Variants in ECE1 observed in about 807,000 individuals in gnomAD.
ECE1 encodes the protein endothelin converting enzyme 1, also known as endothelin-converting enzyme 1.
ECE1 carries 35 observed loss-of-function variants against 98.6 expected under a neutral mutation model. The observed-to-expected ratio is 0.35, with a 90% CI of 0.27 to 0.47. ECE1 has a LOEUF of 0.47. Ranked by LOEUF, ECE1 falls within the 20% of genes least tolerant of loss-of-function variation. ECE1 has a pLI of 1.00. For missense variants in ECE1, 814 were observed against 1,025.3 expected, an observed-to-expected ratio of 0.79 and a Z score of 2.81; for synonymous variants, 394 against 407.1, an observed-to-expected ratio of 0.97 and a Z score of 0.39.
In ECE1 at chr1:21,272,877, G is replaced by A. The variant is rs1439032340; in HGVS notation, c.315C>T (p.Val105=). 1.2e-6 allele frequency: 2 copies of A among 1,614,128 alleles called. No individual in the cohort carries two copies. The highest frequency in any genetic ancestry group is 1.1e-5 in the South Asian group (1 of 91,094). The part of the protein sequence containing the change: ...SPSVCLSEAC[V]SVTSSILSSM... ...AGCTCAAGATGGAGCTGGTCACTGA[G>A]ACACAAGCTTCGCTCAGGCACACAG... The change falls in exon 4 of 19, where the codon GTC becomes GTT. Residue 105 remains valine (V), a synonymous_variant. Coordinates refer to ENST00000374893, the MANE Select transcript of ECE1 (RefSeq NM_001397.3).
chr1:21,225,357 T>C lies in ECE1; in HGVS notation c.1933A>G (p.Met645Val), dbSNP rs777714423. 3 of 1,614,104 alleles carry C rather than the reference T, an allele frequency of 1.9e-6. No individual in the cohort carries two copies. The highest frequency in any genetic ancestry group is 4.5e-5 in the East Asian group (2 of 44,898). The part of the protein sequence containing the change: ...VEAFKRQTEC[M>V]VEQYSNYSVN... ...CTGTAGTTGCTGTACTGCTCTACCA[T>C]GCACTCGGTCTGACGCTTGAAGGCC... is the stretch of plus-strand genomic sequence containing the variant. Residue 645 changes from methionine (M) to valine (V), a missense_variant, in exon 17 of 19, where the codon ATG (methionine) becomes GTG (valine). Met to Val is a conservative substitution (Grantham distance 21). Around this residue, in one of 3 missense-constraint regions of ECE1, gnomAD observed 452 missense variants for 567.3 expected, o/e 0.80. Coordinates refer to ENST00000374893, the MANE Select transcript of ECE1 (RefSeq NM_001397.3). The surrounding 1 kb of genome is among the most constrained non-coding windows in gnomAD (Gnocchi z 5.3).
upstream of ECE1, chr1:21,290,534 C>T (rs1312747176): frequency 8.4e-7 from 1 of 1,194,664 alleles, no homozygotes; most frequent in African/African-American, 1.6e-5. The surrounding 1 kb of genome is among the most constrained non-coding windows in gnomAD (Gnocchi z 7.3). Context: ...GGTTCCCAAC[C>T]TCCGGCCTCC....
intron 1 of ECE1, among the ~76,000 whole-genome samples, chr1:21,342,885 C>T (rs1639428650): frequency 6.6e-6 from 1 of 152,328 alleles, no homozygotes; most frequent in African/African-American, 2.4e-5. Context: ...CATGCATGCA[C>T]CGCCGGTCAA....
chr1:21,236,237 C>A (rs919786659), intron 12 of ECE1, among the ~76,000 whole-genome samples: 1 of 152,278 alleles, frequency 6.6e-6, no homozygotes, highest in Admixed American at 6.5e-5. Context: ...GTACACTCAG[C>A]GAGGTTTGTC....
rs114462832 is a variant in ECE1, at chr1:21,241,829, T to C, written c.1278+3160A>G. ...AAGTCCTGGAAGTACTACAGGATGG[T>C]GAGAAAATCTCCAAAAGGAGCGAGG... On this transcript the variant is annotated intron_variant, in intron 10 of 18. Coordinates refer to ENST00000374893, the MANE Select transcript of ECE1 (RefSeq NM_001397.3). Among the ~76,000 whole-genome samples the C allele has an allele frequency of 7.8e-4, 119 of 152,300 alleles. 1 individual carries two copies. The highest frequency in any genetic ancestry group is 2.2e-3 in the African/African-American group (93 of 41,576).
At chr1:21,261,500 T>A (rs1303797382) in intron 4 of ECE1, among the ~76,000 whole-genome samples, 1 of 152,118 alleles carries the variant, frequency 6.6e-6, no homozygotes, top group Non-Finnish European at 1.5e-5. Context: ...CTACTCAACC[T>A]CAAGGCCTCT....
rs536633608 is a variant in ECE1, at chr1:21,260,594, C to T, written c.494-202G>A. 2.0e-4 allele frequency among the ~76,000 whole-genome samples: 30 copies of T among 152,210 alleles called. No individual in the cohort carries two copies. Among genetic ancestry groups the T allele is most frequent in the Admixed American group, 1.5e-3 (23 of 15,286 alleles). On this transcript the variant is annotated intron_variant, in intron 4 of 18. Transcript: ENST00000374893. This position sits in a 1 kb window ranked among gnomAD's most constrained non-coding sequence, Gnocchi z 4.3. ...GAGCCTGGCAAGCTGAAGGCGCTCC[C>T]GAAATTTTGCTGACTGCAAAGAAAA...
At chr1:21,302,417 G>A (rs1638505775) in intron 1 of ECE1, among the ~76,000 whole-genome samples, 1 of 152,206 alleles carries the variant, frequency 6.6e-6, no homozygotes, top group African/African-American at 2.4e-5. Flanking sequence ...TTGGTGAAAC[G>A]GTGATGATAA....
rs557062546 is a variant in ECE1, at chr1:21,217,321, A to T, written c.*2634T>A. On this transcript the variant is annotated 3_prime_UTR_variant, in exon 19 of 19. Transcript: ENST00000374893. ...CTACAGTAGCTCAAAACATAATACA[A>T]AAAATAGATTCCCAGCTCCCAACCC... The T allele has an allele frequency of 1.3e-5, 2 of 152,388 alleles. No homozygotes were observed. The highest frequency in any genetic ancestry group is 2.1e-4 in the South Asian group (1 of 4,824). 9.4% of individuals were successfully genotyped at this position (152,388 alleles called of 1,614,324 possible).
rs1320969688 is a variant in ECE1 at position 21,238,260 on chromosome 1, CA to C, written c.1279-17del. Reference sequence around the variant, plus strand: ...GAAGACAGGTCTGGAAAACACAAGTCAGGGGGCTCGCTGGGCCCCAGCCCTT... The same window carrying C: ...GAAGACAGGTCTGGAAAACACAAGTCGGGGGCTCGCTGGGCCCCAGCCCTT... On this transcript the variant is annotated splice_polypyrimidine_tract_variant and intron_variant, in intron 10 of 18. Transcript: ENST00000374893. 1.2e-6 allele frequency: 2 copies of C among 1,605,102 alleles called. No individual in the cohort carries two copies. Among genetic ancestry groups the C allele is most frequent in the Non-Finnish European group, 1.7e-6 (2 of 1,172,772 alleles).
At chr1:21,230,856 A>T (rs943938549) in intron 14 of ECE1, among the ~76,000 whole-genome samples, 17 of 152,180 alleles carry the variant, frequency 1.1e-4, no homozygotes, top group Non-Finnish European at 1.8e-4. Flanking sequence ...CATAAAATTT[A>T]AAAAAAATCA....
At chr1:21,301,095 G>A (rs1638472873) in intron 1 of ECE1, among the ~76,000 whole-genome samples, 1 of 152,010 alleles carries the variant, frequency 6.6e-6, no homozygotes, top group South Asian at 2.1e-4. Flanking sequence ...CCCTCTCAAA[G>A]TACACAGGTG....
chr1:21,221,770 G>C lies in ECE1; in HGVS notation c.2113C>G (p.Leu705Val). Residue 705 changes from leucine (L) to valine (V), a missense_variant, in exon 18 of 19, where the codon CTC becomes GTC. This residue lies in a region of ECE1 where 452 missense variants were observed against 567.3 expected (regional missense o/e 0.80). Coordinates refer to ENST00000374893, the MANE Select transcript of ECE1 (RefSeq NM_001397.3). ...LPTLGLTNNQLFFLGFAQVWC... is the reference protein window; with the variant it reads ...LPTLGLTNNQVFFLGFAQVWC... ...ACCTGTGCAAAGCCCAGGAAGAAGA[G>C]CTGGTTATTGGTGAGGCCCAGGGTG... The C allele has an allele frequency of 6.2e-7, 1 of 1,614,246 alleles. No homozygotes were observed.
At chr1:21,243,499 G>A (rs954360970) in intron 10 of ECE1, among the ~76,000 whole-genome samples, 3 of 151,792 alleles carry the variant, frequency 2.0e-5, no homozygotes, top group East Asian at 1.9e-4. Flanking sequence ...CACTACAGGC[G>A]TGAGCCACCA....
At chr1:21,274,372 TG>T (rs2098244064) in intron 3 of ECE1, among the ~76,000 whole-genome samples, 1 of 152,232 alleles carries the variant, frequency 6.6e-6, no homozygotes, top group Middle Eastern at 3.2e-3. Flanking sequence ...GGGTGGGCTT[TG>T]GAGGCCACTA....
chr1:21,284,482 G>C (rs1024868657), intron 2 of ECE1, among the ~76,000 whole-genome samples: 1 of 152,250 alleles, frequency 6.6e-6, no homozygotes, highest in Non-Finnish European at 1.5e-5. Context: ...TCAAAAGAGA[G>C]AGGTGGAGAA....
At chr1:21,274,473 AAGTT>A (rs2098244165) in intron 3 of ECE1, among the ~76,000 whole-genome samples, 1 of 152,138 alleles carries the variant, frequency 6.6e-6, no homozygotes, top group African/African-American at 2.4e-5. Context: ...ATCCATCTAA[AAGTT>A]AGGAAGAAAG....
At position 21,314,289 on chromosome 1, in the gene ECE1, G is replaced by C. The variant is rs186986289; in HGVS notation, c.4-24133C>G. Among the ~76,000 whole-genome samples, 806 of 152,264 alleles carry C rather than the reference G, an allele frequency of 5.3e-3. 4 individuals carry two copies. The highest frequency in any genetic ancestry group is 0.018 in the African/African-American group (763 of 41,550). On this transcript the variant is annotated intron_variant, in intron 1 of 18. Coordinates refer to the ECE1 transcript ENST00000415912. ...AGTTCTGGGAAGGGGGCGCTGGCTA[G>C]GCCCTTCCTGGGACACTCACGCAGC...
intron 11 of ECE1, among the ~76,000 whole-genome samples, chr1:21,237,700 T>C (rs3026896): frequency 0.017 from 2,538 of 152,284 alleles, 62 homozygotes; most frequent in African/African-American, 0.052. Context: ...CGACCAGCGG[T>C]GAGGCCAGGA....
Sources: gnomAD v4.1 joint callset for allele counts (sites outside exome capture counted in the v4.1 genomes callset) on GRCh38, gnomAD v4.1.1 for gene constraint, gnomAD v4.1.1 regional missense constraint, Gnocchi (gnomAD v3.1) non-coding constraint, MANE v1.5 for transcripts, NCBI Gene and HGNC (gene_info 2026-07-23, HGNC 2026-07-21) for gene names.